The following RNF182 variants were observed in gnomAD, a reference collection of about 807,000 sequenced individuals.
The protein encoded by RNF182 is E3 ubiquitin-protein ligase RNF182.
A neutral mutation model predicts 14.4 loss-of-function variants in RNF182; 15 were observed. That is an observed-to-expected ratio of 1.04 (90% CI 0.70 to 1.60). RNF182 has a LOEUF of 1.60. Among genes scored for constraint, RNF182 ranks in the 40% most tolerant of loss-of-function variants. The probability of loss-of-function intolerance (pLI) is 0.00; values close to 1 mark genes in which losing one functional copy is unlikely to be tolerated. For missense variants in RNF182, 268 were observed against 294.8 expected (o/e 0.91, Z 0.67); for synonymous variants, 128 against 122.9 (o/e 1.04, Z -0.27).
chr6:13,977,429 A>G lies in RNF182; in HGVS notation c.310A>G (p.Asn104Asp), dbSNP rs1184844615. ...GGKGKKCLPE[N>D]PTELLLTPKR... ...CAAAGGGAAGAAGTGCCTGCCAGAG[A>G]ACCCTACTGAGCTGCTGCTCACCCC... The change falls in exon 3 of 3, where the codon AAC becomes GAC. Residue 104 changes from asparagine to aspartate, a missense_variant. Physicochemically the swap from Asn to Asp is conservative, Grantham distance 23. Coordinates refer to ENST00000488300, the MANE Select transcript of RNF182 (RefSeq NM_152737.4). The G allele has an allele frequency of 3.1e-6, 5 of 1,613,992 alleles. No homozygotes were observed. In the African/African-American group the frequency reaches 5.3e-5, roughly 17 times the overall value.
Position 13,965,069 on chromosome 6 carries a change from G to A in RNF182, c.-366-9141G>A, listed in dbSNP as rs548605075. ...GTCTATGAGAACAGACAGAACTCACGCTGAATGTGATGGAGCGGCAGCCAG... is the reference window on the plus strand; with the variant it reads ...GTCTATGAGAACAGACAGAACTCACACTGAATGTGATGGAGCGGCAGCCAG... On this transcript the variant is annotated intron_variant, in intron 1 of 2. Transcript: ENST00000488300. Among the ~76,000 whole-genome samples, 120 of 152,340 alleles carry A rather than the reference G, an allele frequency of 7.9e-4. 1 individual carries two copies. The highest frequency in any genetic ancestry group is 3.6e-3 in the Admixed American group (55 of 15,302).
At chr6:13,945,901 A>G (rs1192824902) in intron 1 of RNF182, among the ~76,000 whole-genome samples, 2 of 152,152 alleles carry the variant, frequency 1.3e-5, no homozygotes, top group South Asian at 4.1e-4. Flanking sequence ...CCACAGAGTA[A>G]AGTGAAAACA....
Position 13,977,910 on chromosome 6 carries a change from G to A in RNF182, c.*47G>A, listed in dbSNP as rs578058409. The stretch of plus-strand genomic sequence containing the variant: ...TGGACACACATTGCCCTGTTTGAGT[G>A]TGAAGTTAGATAATTTATAATTTAT... On this transcript the variant is annotated 3_prime_UTR_variant, in exon 3 of 3. Transcript: ENST00000488300. 4.0e-6 allele frequency: 6 copies of A among 1,507,076 alleles called. No homozygotes were observed. In the South Asian group the frequency reaches 5.4e-5, roughly 13 times the overall value. 93.4% of individuals were successfully genotyped at this position (1,507,076 alleles called of 1,614,324 possible). A position where few individuals can be genotyped will look rare whatever the true frequency, so the allele number is the denominator to read the frequency against.
chr6:13,938,734 T>C (rs942606246), intron 1 of RNF182, among the ~76,000 whole-genome samples: 18 of 152,218 alleles, frequency 1.2e-4, no homozygotes, highest in Non-Finnish European at 2.6e-4. Context: ...TGGCATTCTT[T>C]TCATAAAAAT....
At chr6:13,976,471 G>A (rs1173147406) in intron 2 of RNF182, among the ~76,000 whole-genome samples, 4 of 152,226 alleles carry the variant, frequency 2.6e-5, no homozygotes, top group East Asian at 3.9e-4. Context: ...ATTCCCTTTT[G>A]TGTATTCCTA....
At chr6:13,965,310 G>A (rs1426380072) in intron 1 of RNF182, among the ~76,000 whole-genome samples, 2 of 152,104 alleles carry the variant, frequency 1.3e-5, no homozygotes, top group African/African-American at 4.8e-5. Context: ...TAAAGGAATG[G>A]AAACCACAAA....
intron 1 of RNF182, among the ~76,000 whole-genome samples, chr6:13,940,841 A>G (rs1759278546): frequency 2.6e-5 from 4 of 152,128 alleles, no homozygotes. Context: ...ATAAGTTATT[A>G]GACATTTATT....
intron 1 of RNF182, among the ~76,000 whole-genome samples, chr6:13,936,698 A>G (rs1435402116): frequency 6.6e-6 from 1 of 152,236 alleles, no homozygotes; most frequent in Non-Finnish European, 1.5e-5. Context: ...GATGGGGCAT[A>G]TGTGTGATGC....
In RNF182 at chr6:13,977,826, G is replaced by A. The variant is rs1245466462; in HGVS notation, c.707G>A (p.Cys236Tyr). The A allele has an allele frequency of 6.2e-7, 1 of 1,613,900 alleles. No homozygotes were observed. Among genetic ancestry groups the A allele is most frequent in the African/African-American group, 1.3e-5 (1 of 74,904 alleles). ...GTGTATGGTTTTTGCCAGTGTGTTT[G>A]TCATGAATTTCTAGACTGTATGGCA... Reference protein sequence around the residue: ...LMVYGFCQCVCHEFLDCMAPP... With the variant: ...LMVYGFCQCVYHEFLDCMAPP... The change falls in exon 3 of 3, where the codon TGT becomes TAT. Residue 236 changes from cysteine to tyrosine, a missense_variant. Transcript: ENST00000488300.
At chr6:13,949,139 A>G (rs1210153932) in intron 1 of RNF182, 1 of 781,526 alleles carries the variant, frequency 1.3e-6, no homozygotes, top group Non-Finnish European at 2.4e-6. Context: ...CAGCTTCAGG[A>G]ATCTTATAGC....
At chr6:13,936,362 A>G (rs1253418043) in intron 1 of RNF182, among the ~76,000 whole-genome samples, 1 of 152,260 alleles carries the variant, frequency 6.6e-6, no homozygotes, top group East Asian at 1.9e-4. Context: ...ACAATTGGAC[A>G]CATAATTAGG....
intron 1 of RNF182, chr6:13,949,243 T>G (rs1759520046): frequency 2.5e-6 from 2 of 787,872 alleles, no homozygotes; most frequent in South Asian, 2.7e-5. Flanking sequence ...TTAGTCATAT[T>G]CAGACACCAG....
intron 1 of RNF182, among the ~76,000 whole-genome samples, chr6:13,956,452 G>C (rs1759734488): frequency 6.6e-6 from 1 of 151,840 alleles, no homozygotes; most frequent in South Asian, 2.1e-4. Context: ...AGCCTCCCTA[G>C]TAGCTGGGAT....
At chr6:13,958,182 T>C (rs1011766117) in intron 1 of RNF182, among the ~76,000 whole-genome samples, 1 of 152,082 alleles carries the variant, frequency 6.6e-6, no homozygotes, top group Non-Finnish European at 1.5e-5. Flanking sequence ...GGTCAAGAGA[T>C]AGAGACCATC....
intron 1 of RNF182, among the ~76,000 whole-genome samples, chr6:13,939,652 T>C (rs1241126394): frequency 6.6e-6 from 1 of 152,180 alleles, no homozygotes; most frequent in East Asian, 1.9e-4. Flanking sequence ...CATGCCATTC[T>C]CCTGCCTCAG....
intron 1 of RNF182, among the ~76,000 whole-genome samples, chr6:13,927,477 T>C (rs987274543): frequency 6.6e-6 from 1 of 152,210 alleles, no homozygotes; most frequent in African/African-American, 2.4e-5. Flanking sequence ...GACGTAAAAT[T>C]GGTCCTAATT....
chr6:13,945,588 C>T (rs891029549), intron 1 of RNF182, among the ~76,000 whole-genome samples: 2 of 151,972 alleles, frequency 1.3e-5, no homozygotes, highest in Non-Finnish European at 2.9e-5. Context: ...AACAAATGAA[C>T]CTTAAAAAAA....
chr6:13,931,384 T>A (rs1235431535), intron 1 of RNF182, among the ~76,000 whole-genome samples: 1 of 152,162 alleles, frequency 6.6e-6, no homozygotes, highest in Non-Finnish European at 1.5e-5. Context: ...CAGAGCAACA[T>A]GCTTTTTGCT....
chr6:13,942,920 C>T lies in RNF182; in HGVS notation c.-367+17897C>T, dbSNP rs138697912. Among the ~76,000 whole-genome samples, 375 of 152,136 alleles carry T rather than the reference C, an allele frequency of 2.5e-3. 4 individuals are homozygous for T. The highest frequency in any genetic ancestry group is 0.017 in the South Asian group (80 of 4,824). ...GGGCTTTATGGAAGTATAACTTATA[C>T]GCCATAAAATTCACCCATTGTAGGT... On this transcript the variant is annotated intron_variant, in intron 1 of 2. Transcript: ENST00000488300.
Sources: allele counts gnomAD v4.1 joint callset (sites outside exome capture counted in the v4.1 genomes callset), GRCh38; gene constraint gnomAD v4.1.1; transcripts MANE v1.5; gene names NCBI Gene and HGNC (gene_info 2026-07-23, HGNC 2026-07-21).